Variants in DCUN1D2 observed in about 807,000 individuals in gnomAD.
DCUN1D2 encodes defective in cullin neddylation 1 domain containing 2.
DCUN1D2 carries 29 observed loss-of-function variants against 30.9 expected under a neutral mutation model. The ratio of observed to expected loss-of-function variants is 0.94; its 90% CI spans 0.70 to 1.28. The LOEUF is 1.28. Ranked by LOEUF, DCUN1D2 falls within the 50% of genes most tolerant of loss-of-function variation. The pLI is 0.00. For synonymous variants in DCUN1D2, 121 were observed against 115.3 expected (o/e 1.05, Z -0.32); for missense variants, 325 against 316.9 (o/e 1.03, Z -0.19).
Position 113,455,907 on chromosome 13 carries a change from A to G in DCUN1D2, c.*2122T>C, listed in dbSNP as rs2044218775. On this transcript the variant is annotated 3_prime_UTR_variant, in exon 7 of 7. Transcript: ENST00000478244. ...ATACAACAGAAGAAAAAAACCCACA[A>G]TTTTTGGAAAAGCCTTTGTCCAATG... 1.1e-5 allele frequency: 3 copies of G among 261,186 alleles called. No individual in the cohort carries two copies. The highest frequency in any genetic ancestry group is 2.1e-5 in the Non-Finnish European group (3 of 140,818). 16.2% of individuals were successfully genotyped at this position (261,186 alleles called of 1,614,324 possible).
intron 3 of DCUN1D2, among the ~76,000 whole-genome samples, chr13:113,475,679 G>A (rs1241391238): frequency 1.3e-5 from 2 of 152,098 alleles, no homozygotes; most frequent in Non-Finnish European, 2.9e-5. Flanking sequence ...TTGAGGCCAG[G>A]AGTTTGAGAC....
intron 4 of DCUN1D2, among the ~76,000 whole-genome samples, chr13:113,470,893 A>G (rs374511357): frequency 1.4e-5 from 2 of 146,398 alleles, no homozygotes; most frequent in Non-Finnish European, 3.0e-5. Flanking sequence ...AGAAGACCCA[A>G]CTCCACAGGG....
intron 4 of DCUN1D2, among the ~76,000 whole-genome samples, chr13:113,461,900 C>T (rs1290973049): frequency 6.6e-6 from 1 of 152,216 alleles, no homozygotes; most frequent in Non-Finnish European, 1.5e-5. Flanking sequence ...AGCTTGATAA[C>T]GATTTCTTTT....
At chr13:113,489,238 G>T in intron 1 of DCUN1D2, 2 of 717,492 alleles carry the variant, frequency 2.8e-6, no homozygotes, top group South Asian at 6.3e-5. Context: ...GCAGTGGAAC[G>T]CTCCTCTCCA....
chr13:113,477,702 GTTT>G, intron 3 of DCUN1D2, among the ~76,000 whole-genome samples: 1 of 137,074 alleles, frequency 7.3e-6, no homozygotes, highest in Non-Finnish European at 1.6e-5. Context: ...TTTTCTATGA[GTTT>G]TTTTTTTTTT....
chr13:113,475,015 A>T (rs2044589624), intron 3 of DCUN1D2, among the ~76,000 whole-genome samples: 1 of 152,160 alleles, frequency 6.6e-6, no homozygotes, highest in Non-Finnish European at 1.5e-5. Context: ...GACAACAGTA[A>T]AACAAAGTCT....
intron 2 of DCUN1D2, among the ~76,000 whole-genome samples, chr13:113,482,222 A>G (rs1229225187): frequency 6.6e-6 from 1 of 152,256 alleles, no homozygotes; most frequent in Non-Finnish European, 1.5e-5. Flanking sequence ...TTTAGAGCCT[A>G]AAGTGATTGT....
chr13:113,480,886 T>C, intron 2 of DCUN1D2, 143 bp from the exon 3 acceptor site: 3 of 679,314 alleles, frequency 4.4e-6, no homozygotes, highest in Non-Finnish European at 7.0e-6. Context: ...GCTGCAGTTT[T>C]CTACTACACA....
At chr13:113,483,701 G>A (rs1467928742) in intron 2 of DCUN1D2, 139 bp downstream of exon 2, 1 of 747,782 alleles carries the variant, frequency 1.3e-6, no homozygotes, top group Non-Finnish European at 2.2e-6. Flanking sequence ...TTCTGCAGCT[G>A]AGCGCCGAGC....
At chr13:113,477,362 T>A (rs1390170369) in intron 3 of DCUN1D2, among the ~76,000 whole-genome samples, 1 of 152,262 alleles carries the variant, frequency 6.6e-6, no homozygotes, top group African/African-American at 2.4e-5. Flanking sequence ...CAATTTATTC[T>A]AGGTATTTTG....
chr13:113,462,252 C>CA (rs530609852), intron 4 of DCUN1D2, among the ~76,000 whole-genome samples: 4,032 of 80,840 alleles, frequency 0.05, 93 homozygotes, highest in East Asian at 0.17. Flanking sequence ...AACTCCGTCT[C>CA]AAAAAAAAAA....
chr13:113,463,942 T>C (rs1301073832), intron 4 of DCUN1D2, among the ~76,000 whole-genome samples: 2 of 152,224 alleles, frequency 1.3e-5, no homozygotes, highest in African/African-American at 4.8e-5. Context: ...GTTCAATTTA[T>C]ACTTAATTCC....
chr13:113,473,433 C>G (rs950648977), intron 4 of DCUN1D2, among the ~76,000 whole-genome samples: 1 of 152,172 alleles, frequency 6.6e-6, no homozygotes, highest in Non-Finnish European at 1.5e-5. Flanking sequence ...AAATGGGCCA[C>G]ATTAATGGTC....
intron 3 of DCUN1D2, 106 bp downstream of exon 3, chr13:113,480,469 C>G: frequency 7.9e-7 from 1 of 1,259,036 alleles, no homozygotes; most frequent in Non-Finnish European, 1.1e-6. Flanking sequence ...TAAAGATACA[C>G]AAAGAAAATA....
intron 4 of DCUN1D2, among the ~76,000 whole-genome samples, chr13:113,464,716 G>A (rs959214376): frequency 1.3e-5 from 2 of 152,264 alleles, no homozygotes; most frequent in African/African-American, 4.8e-5. Context: ...GGCCATGGCG[G>A]AGAGCAGCAC....
intron 6 of DCUN1D2, 137 bp downstream of exon 6, chr13:113,459,175 C>T (rs2044276452): frequency 3.5e-6 from 2 of 567,502 alleles, no homozygotes; most frequent in Non-Finnish European, 6.4e-6. Context: ...GTATGATTTA[C>T]AGAAAATAAT....
Position 113,456,102 on chromosome 13 carries a change from T to C in DCUN1D2, c.*1927A>G. On this transcript the variant is annotated 3_prime_UTR_variant, in exon 7 of 7. Coordinates refer to ENST00000478244, the MANE Select transcript of DCUN1D2 (RefSeq NM_001014283.2). ...GAAGCCTGGAAGATACGCTCACGTT[T>C]TTGAGGTTTGTATTAATGCCAGTTT... 2.5e-6 allele frequency: 1 copy of C among 398,018 alleles called. No individual in the cohort carries two copies. Among genetic ancestry groups the C allele is most frequent in the East Asian group, 3.6e-5 (1 of 28,076 alleles). 24.7% of individuals were successfully genotyped at this position (398,018 alleles called of 1,614,324 possible). A position where few individuals can be genotyped will look rare whatever the true frequency, so the allele number is the denominator to read the frequency against.
intron 3 of DCUN1D2, among the ~76,000 whole-genome samples, chr13:113,477,708 T>G (rs1034718840): frequency 1.3e-5 from 2 of 152,050 alleles, no homozygotes; most frequent in Admixed American, 1.3e-4. Flanking sequence ...ATGAGTTTTT[T>G]TTTTTTTTTT....
At chr13:113,486,720 T>C (rs2044810673) in intron 1 of DCUN1D2, among the ~76,000 whole-genome samples, 1 of 152,152 alleles carries the variant, frequency 6.6e-6, no homozygotes, top group Non-Finnish European at 1.5e-5. Flanking sequence ...TTGCATAAAA[T>C]TTCAGGGGTT....
Sources: allele counts gnomAD v4.1 joint callset (sites outside exome capture counted in the v4.1 genomes callset), GRCh38; gene constraint gnomAD v4.1.1; transcripts MANE v1.5; gene names NCBI Gene and HGNC (gene_info 2026-07-23, HGNC 2026-07-21).